Variants in SCTR observed in about 807,000 individuals in gnomAD.
SCTR encodes pancreatic secretin receptor.
In SCTR, 56 loss-of-function variants were observed where a neutral mutation model predicts 60.8. The ratio of observed to expected loss-of-function variants is 0.92; its 90% CI spans 0.74 to 1.15. The LOEUF is 1.15. Among genes scored for constraint, SCTR ranks in the 50% most tolerant of loss-of-function variants. SCTR has a pLI of 0.00. For synonymous variants in SCTR, 202 were observed against 217.0 expected (o/e 0.93, Z 0.61); for missense variants, 562 against 550.4 (o/e 1.02, Z -0.21).
At chr2:119,523,220 A>C (rs1179454121) in intron 1 of SCTR, among the ~76,000 whole-genome samples, 2 of 151,692 alleles carry the variant, frequency 1.3e-5, no homozygotes, top group Non-Finnish European at 2.9e-5. Context: ...GCTAGTGGGA[A>C]GGGATGATTC....
At chr2:119,503,158 CAA>C (rs61479294) in intron 1 of SCTR, among the ~76,000 whole-genome samples, 6,019 of 69,392 alleles carry the variant, frequency 0.087, 221 homozygotes, top group African/African-American at 0.22. Flanking sequence ...GACTCCATCT[CAA>C]AAAAAAAAAA....
At chr2:119,510,048 A>G (rs1312617908) in intron 1 of SCTR, among the ~76,000 whole-genome samples, 3 of 151,824 alleles carry the variant, frequency 2.0e-5, no homozygotes, top group Non-Finnish European at 4.4e-5. Context: ...GGTTTGTTAC[A>G]TAGGTATACA....
intron 1 of SCTR, among the ~76,000 whole-genome samples, chr2:119,507,429 G>A (rs1404356885): frequency 6.6e-6 from 1 of 152,174 alleles, no homozygotes; most frequent in East Asian, 1.9e-4. Context: ...CAATGTGTGT[G>A]TAGCCCTGCT....
At chr2:119,518,385 ACACGTGGCCATCAGG>A (rs1449591414) in intron 1 of SCTR, among the ~76,000 whole-genome samples, 1 of 152,168 alleles carries the variant, frequency 6.6e-6, no homozygotes, top group Middle Eastern at 3.2e-3. Flanking sequence ...AATTTGAAAG[ACACGTGGCCATCAGG>A]AGCACGCCTA....
At chr2:119,519,810 C>CAAAAAAAAA (rs71396064) in intron 1 of SCTR, among the ~76,000 whole-genome samples, 5 of 58,252 alleles carry the variant, frequency 8.6e-5, no homozygotes, top group Admixed American at 2.1e-4. Flanking sequence ...GACTCTGTCT[C>CAAAAAAAAA]AAAAAAAAAA....
At chr2:119,512,328 CCCTTCCCCTTCCCCTTCT>C (rs762139769) in intron 1 of SCTR, among the ~76,000 whole-genome samples, 92 of 82,368 alleles carry the variant, frequency 1.1e-3, no homozygotes, top group Middle Eastern at 5.4e-3. Context: ...CTTCCCCTTC[CCCTTCCCCTTCCCCTTCT>C]CCTTCTCCTT....
At chr2:119,494,152 G>A (rs529752246) in intron 2 of SCTR, among the ~76,000 whole-genome samples, 7 of 152,268 alleles carry the variant, frequency 4.6e-5, no homozygotes, top group Middle Eastern at 3.4e-3. Context: ...AAGCTCTTAC[G>A]TTGGCCAAGT....
chr2:119,456,874 C>T (rs1683395377), intron 7 of SCTR, among the ~76,000 whole-genome samples: 1 of 152,104 alleles, frequency 6.6e-6, no homozygotes, highest in East Asian at 1.9e-4. Flanking sequence ...AAGACATAAG[C>T]AGGAATGGGG....
At chr2:119,487,702 G>A (rs1424287719) in intron 2 of SCTR, among the ~76,000 whole-genome samples, 1 of 152,194 alleles carries the variant, frequency 6.6e-6, no homozygotes, top group Admixed American at 6.5e-5. Context: ...ACCCTGAAAC[G>A]TTCCCAGAAA....
chr2:119,478,822 G>C lies in SCTR; in HGVS notation c.290C>G (p.Thr97Ser), dbSNP rs764316645. 3 of 1,614,172 alleles carry C rather than the reference G, an allele frequency of 1.9e-6. No homozygotes were observed. The highest frequency in any genetic ancestry group is 4.5e-5 in the East Asian group (2 of 44,876). Residue 97 changes from threonine (T) to serine (S), a missense_variant, in exon 3 of 13, where the codon ACC (threonine) becomes AGC (serine). Coordinates refer to ENST00000019103, the MANE Select transcript of SCTR (RefSeq NM_002980.3). ...GGCCGAGTGGTTACCATTTCTGCTG[G>C]TGAGCATCCGGAGGAATCTCGGGCA... ...VECPRFLRML[T>S]SRNGSLFRNC...
chr2:119,520,508 G>T (rs986749248), intron 1 of SCTR, among the ~76,000 whole-genome samples: 2 of 152,164 alleles, frequency 1.3e-5, no homozygotes, highest in African/African-American at 4.8e-5. Flanking sequence ...TGCAGGCAAC[G>T]CTTGCAGGCC....
chr2:119,473,368 C>T (rs1677107146), intron 4 of SCTR, 85 bp downstream of exon 4: 1 of 913,690 alleles, frequency 1.1e-6, no homozygotes, highest in East Asian at 2.5e-5. Context: ...CCACCCTGTC[C>T]TCTCCCAGGG....
chr2:119,481,045 C>T (rs1474049926), intron 2 of SCTR, among the ~76,000 whole-genome samples: 1 of 152,232 alleles, frequency 6.6e-6, no homozygotes, highest in South Asian at 2.1e-4. Context: ...GAAAAGCCTG[C>T]CCAGAGCAGG....
At chr2:119,459,965 C>G (rs1174620936) in intron 7 of SCTR, among the ~76,000 whole-genome samples, 1 of 152,012 alleles carries the variant, frequency 6.6e-6, no homozygotes, top group Non-Finnish European at 1.5e-5. Flanking sequence ...TAAGGCAAGT[C>G]CCTGGTCCCC....
At chr2:119,513,300 C>T (rs1679014428) in intron 1 of SCTR, among the ~76,000 whole-genome samples, 1 of 152,126 alleles carries the variant, frequency 6.6e-6, no homozygotes, top group African/African-American at 2.4e-5. Context: ...TGGGTTTATA[C>T]CTTTTCTATT....
At chr2:119,447,136 A>G (rs1682964695) in intron 10 of SCTR, among the ~76,000 whole-genome samples, 1 of 151,426 alleles carries the variant, frequency 6.6e-6, no homozygotes, top group Non-Finnish European at 1.5e-5. Flanking sequence ...ATCAGTAAAA[A>G]GAAAAAAAAA....
At chr2:119,475,639 A>ATATATATAATATAAATAGATATTTATAT (rs1558858718) in intron 3 of SCTR, among the ~76,000 whole-genome samples, 4 of 146,452 alleles carry the variant, frequency 2.7e-5, no homozygotes, top group African/African-American at 1.0e-4. Context: ...TATTTATATT[A>ATATATATAATATAAATAGATATTTATAT]TATATATAAT....
chr2:119,461,769 A>G, intron 7 of SCTR, 78 bp downstream of exon 7: 1 of 1,284,772 alleles, frequency 7.8e-7, no homozygotes, highest in Admixed American at 2.5e-5. Flanking sequence ...GCTGGAACTA[A>G]AAGCCGAACC....
chr2:119,509,564 G>A (rs1222705334), intron 1 of SCTR, among the ~76,000 whole-genome samples: 1 of 152,094 alleles, frequency 6.6e-6, no homozygotes, highest in Non-Finnish European at 1.5e-5. Context: ...CAACTTCCTT[G>A]GCGATTTTCC....
Sources: gnomAD v4.1 joint callset for allele counts (sites outside exome capture counted in the v4.1 genomes callset) on GRCh38, gnomAD v4.1.1 for gene constraint, MANE v1.5 for transcripts, NCBI Gene and HGNC (gene_info 2026-07-23, HGNC 2026-07-21) for gene names.